Variants in CDKL2 observed in about 807,000 individuals in gnomAD.
The protein encoded by CDKL2 is cyclin dependent kinase like 2, also known as cyclin-dependent kinase-like 2.
A neutral mutation model predicts 63.9 loss-of-function variants in CDKL2; 64 were observed. The ratio of observed to expected loss-of-function variants is 1.00; its 90% CI spans 0.82 to 1.23. The LOEUF (loss-of-function observed/expected upper bound fraction) is 1.23. CDKL2 is among the 50% of genes most tolerant of loss of function. The pLI is 0.00. For missense variants in CDKL2, 656 were observed against 668.0 expected (o/e 0.98, Z 0.20); for synonymous variants, 211 against 229.2 (o/e 0.92, Z 0.72).
chr4:75,595,979 A>C, intron 10 of CDKL2: 1 of 144,468 alleles, frequency 6.9e-6, no homozygotes, highest in East Asian at 9.8e-5. Flanking sequence ...GAAGGAAAGA[A>C]GGAAGGAAGG....
chr4:75,579,991 G>A (rs1222858739), intron 13 of CDKL2, among the ~76,000 whole-genome samples: 3 of 152,164 alleles, frequency 2.0e-5, no homozygotes, highest in African/African-American at 7.2e-5. Context: ...ACAGTTAGGG[G>A]CTGGGCATGG....
intron 3 of CDKL2, among the ~76,000 whole-genome samples, chr4:75,612,984 GC>G (rs1729769830): frequency 6.6e-6 from 1 of 152,202 alleles, no homozygotes; most frequent in Non-Finnish European, 1.5e-5. Context: ...AATTCTCCGG[GC>G]GTGGTGGCGG....
intron 2 of CDKL2, among the ~76,000 whole-genome samples, chr4:75,622,386 G>T (rs1730188893): frequency 1.3e-5 from 2 of 152,024 alleles, no homozygotes; most frequent in Admixed American, 6.6e-5. Flanking sequence ...TATAAATAAT[G>T]ATCAAAAGTG....
At chr4:75,606,499 C>T (rs1018057613) in intron 4 of CDKL2, among the ~76,000 whole-genome samples, 9 of 152,154 alleles carry the variant, frequency 5.9e-5, no homozygotes, top group Admixed American at 1.3e-4. Context: ...AGGCATGAGC[C>T]GCTGCACCCA....
chr4:75,597,930 T>C (rs1729012801), intron 8 of CDKL2, 147 bp downstream of exon 8: 1 of 508,574 alleles, frequency 2.0e-6, no homozygotes, highest in Non-Finnish European at 3.5e-6. Flanking sequence ...ACAGGTAATA[T>C]CTACTGAGAA....
At chr4:75,604,703 T>C (rs1729346995) in intron 5 of CDKL2, among the ~76,000 whole-genome samples, 1 of 152,226 alleles carries the variant, frequency 6.6e-6, no homozygotes, top group South Asian at 2.1e-4. Context: ...TTACACCAAA[T>C]GCTTACTGAC....
Position 75,594,186 on chromosome 4 carries a change from G to A in CDKL2, c.1417-1917C>T, listed in dbSNP as rs536112648. Among the ~76,000 whole-genome samples the A allele has an allele frequency of 1.0e-3, 158 of 152,122 alleles. 1 individual carries two copies. In the Middle Eastern group the frequency reaches 0.031, roughly 29 times the overall value. On this transcript the variant is annotated intron_variant, in intron 10 of 13. Transcript: ENST00000307465. ...TTTTAGGCCAGCCCTGGTGGCTCAC[G>A]CCTGTAATCCCAGCATTTTGGGAGG... is the stretch of plus-strand genomic sequence containing the variant.
chr4:75,618,310 G>T (rs530584003), intron 2 of CDKL2, among the ~76,000 whole-genome samples: 2 of 108,456 alleles, frequency 1.8e-5, no homozygotes, highest in African/African-American at 7.2e-5. Context: ...GGAGTGCAAT[G>T]GCGCGATCTC....
intron 6 of CDKL2, 44 bp downstream of exon 6, chr4:75,603,773 G>A: frequency 1.6e-6 from 2 of 1,250,084 alleles, no homozygotes; most frequent in African/African-American, 1.5e-5. Flanking sequence ...TCTTGATAGT[G>A]CATAAATTCC....
rs374057482 is a variant in CDKL2 at position 75,625,805 on chromosome 4, A to G, written c.168+16T>C. On this transcript the variant is annotated intron_variant, in intron 2 of 13. Transcript: ENST00000307465. ...TTATACTCATATTTTTTGATTCAAT[A>G]TATGCATTTACTCACCTTTAGTAAC... The G allele has an allele frequency of 4.4e-5, 70 of 1,587,188 alleles. No individual in the cohort carries two copies. The highest frequency in any genetic ancestry group is 6.0e-5 in the Non-Finnish European group (70 of 1,164,950).
intron 7 of CDKL2, among the ~76,000 whole-genome samples, chr4:75,598,753 T>C (rs1019952168): frequency 1.3e-5 from 2 of 152,110 alleles, no homozygotes; most frequent in African/African-American, 4.8e-5. Context: ...CGAAACACTA[T>C]GGTTGTCTTA....
At chr4:75,580,100 C>T (rs1254349407) in intron 13 of CDKL2, among the ~76,000 whole-genome samples, 2 of 152,114 alleles carry the variant, frequency 1.3e-5, no homozygotes, top group Non-Finnish European at 2.9e-5. Context: ...AGTGAAACCC[C>T]ATCTCTACTA....
chr4:75,619,361 A>G (rs911519027), intron 2 of CDKL2, among the ~76,000 whole-genome samples: 8 of 152,118 alleles, frequency 5.3e-5, no homozygotes, highest in African/African-American at 1.9e-4. Flanking sequence ...CACCAGACAC[A>G]TAGTCCTCAT....
At chr4:75,600,498 C>T (rs929063826) in intron 6 of CDKL2, 129 bp from the exon 7 acceptor site, 51 of 647,666 alleles carry the variant, frequency 7.9e-5, no homozygotes, top group Non-Finnish European at 1.3e-4. Context: ...CACTCTGTTG[C>T]CCAGGCTAGA....
intron 2 of CDKL2, among the ~76,000 whole-genome samples, chr4:75,618,312 C>T (rs1342342185): frequency 4.6e-5 from 5 of 108,574 alleles, no homozygotes; most frequent in Non-Finnish European, 6.7e-5. Flanking sequence ...AGTGCAATGG[C>T]GCGATCTCGG....
chr4:75,619,223 A>C (rs925227488), intron 2 of CDKL2, among the ~76,000 whole-genome samples: 4 of 152,164 alleles, frequency 2.6e-5, no homozygotes, highest in African/African-American at 9.6e-5. Flanking sequence ...GTTAATTACT[A>C]AAGGGGGTAA....
At chr4:75,583,909 A>C (rs756869369) in intron 12 of CDKL2, among the ~76,000 whole-genome samples, 15 of 152,248 alleles carry the variant, frequency 9.9e-5, no homozygotes, top group Non-Finnish European at 1.8e-4. Context: ...GAGCAAACAG[A>C]AAACAAATAA....
At chr4:75,583,955 T>C (rs1472996035) in intron 12 of CDKL2, among the ~76,000 whole-genome samples, 1 of 152,174 alleles carries the variant, frequency 6.6e-6, no homozygotes, top group African/African-American at 2.4e-5. Context: ...ATATCAATTA[T>C]CACATTAAAT....
At chr4:75,607,503 G>T in intron 3 of CDKL2, 142 bp from the exon 4 acceptor site, 2 of 533,140 alleles carry the variant, frequency 3.8e-6, no homozygotes, top group Non-Finnish European at 6.5e-6. Flanking sequence ...CAACAACCTA[G>T]GACCTAGTTG....
Sources: gnomAD v4.1 joint callset for allele counts (sites outside exome capture counted in the v4.1 genomes callset) on GRCh38, gnomAD v4.1.1 for gene constraint, MANE v1.5 for transcripts, NCBI Gene and HGNC (gene_info 2026-07-23, HGNC 2026-07-21) for gene names.